Variants in TSPAN9 observed in about 807,000 individuals in gnomAD.
The protein encoded by TSPAN9 is tetraspanin-9.
A neutral mutation model predicts 31.0 loss-of-function variants in TSPAN9; 16 were observed. The ratio of observed to expected loss-of-function variants is 0.52; its 90% CI spans 0.35 to 0.78. The LOEUF is 0.78. TSPAN9 is among the 30% of genes least tolerant of loss of function. TSPAN9 has a pLI of 0.01. For synonymous variants in TSPAN9, 145 were observed against 121.6 expected (o/e 1.19, Z -1.27); for missense variants, 272 against 312.5 (o/e 0.87, Z 0.98).
At chr12:3,203,866 G>C (rs1817770967) in intron 3 of TSPAN9, among the ~76,000 whole-genome samples, 1 of 152,210 alleles carries the variant, frequency 6.6e-6, no homozygotes, top group South Asian at 2.1e-4. Flanking sequence ...TGTGGGGGCT[G>C]TGGGTCACTG....
At chr12:3,267,605 A>G (rs1358988286) in intron 3 of TSPAN9, among the ~76,000 whole-genome samples, 1 of 152,190 alleles carries the variant, frequency 6.6e-6, no homozygotes, top group Non-Finnish European at 1.5e-5. Context: ...GTGTGCTTTG[A>G]TGCTGTCAGA....
Position 3,187,735 on chromosome 12 carries a change from CCTCT to C in TSPAN9, c.-17-13436_-17-13433del, listed in dbSNP as rs1358621400. On this transcript the variant is annotated intron_variant, in intron 2 of 8. Transcript: ENST00000011898. This position sits in a 1 kb window ranked among gnomAD's most constrained non-coding sequence, Gnocchi z 5.2. The stretch of plus-strand genomic sequence containing the variant: ...GGCTTGCGGTATTCAGGCACGCAGG[CCTCT>C]CTCTCCTCTGTCCTCATTCTGTTTG... 1.3e-5 allele frequency among the ~76,000 whole-genome samples: 2 copies of C among 152,018 alleles called. No individual in the cohort carries two copies. Among genetic ancestry groups the C allele is most frequent in the Non-Finnish European group, 2.9e-5 (2 of 68,014 alleles).
chr12:3,253,199 C>A (rs189248597), intron 3 of TSPAN9, among the ~76,000 whole-genome samples: 17 of 152,152 alleles, frequency 1.1e-4, no homozygotes, highest in African/African-American at 3.9e-4. Context: ...CCAGCCCAAG[C>A]CTGCCCTAAG....
intron 2 of TSPAN9, among the ~76,000 whole-genome samples, chr12:3,103,291 C>T (rs190201129): frequency 8.6e-4 from 131 of 152,286 alleles, no homozygotes; most frequent in African/African-American, 2.9e-3. Flanking sequence ...CAGCCTCGTC[C>T]GCGGTAGCTG....
chr12:3,224,501 G>A (rs1235750873), intron 3 of TSPAN9, among the ~76,000 whole-genome samples: 4 of 152,252 alleles, frequency 2.6e-5, no homozygotes, highest in Admixed American at 2.6e-4. Flanking sequence ...CAGTGAGCTG[G>A]GGGCAGAGGC....
chr12:3,089,153 A>ACC (rs2098302504), intron 2 of TSPAN9, among the ~76,000 whole-genome samples: 1 of 150,132 alleles, frequency 6.7e-6, no homozygotes, highest in African/African-American at 2.5e-5. Context: ...AATGGCATGA[A>ACC]CCTGGGAGGT....
At chr12:3,140,174 T>C (rs193016191) in intron 2 of TSPAN9, among the ~76,000 whole-genome samples, 1 of 152,110 alleles carries the variant, frequency 6.6e-6, no homozygotes, top group East Asian at 1.9e-4. Context: ...AGGAATTAAG[T>C]CCTGGAGTGG....
At chr12:3,251,606 A>C (rs1163855078) in intron 3 of TSPAN9, among the ~76,000 whole-genome samples, 1 of 152,170 alleles carries the variant, frequency 6.6e-6, no homozygotes, top group African/African-American at 2.4e-5. Context: ...GCTTCTGGTG[A>C]ATTTCTAGGG....
chr12:3,094,816 T>G (rs2098306993), intron 2 of TSPAN9, among the ~76,000 whole-genome samples: 3 of 150,118 alleles, frequency 2.0e-5, no homozygotes, highest in Admixed American at 1.3e-4. Flanking sequence ...ATTACAGGCG[T>G]GAGCCAACAC....
chr12:3,086,723 A>G (rs2098300696), intron 2 of TSPAN9, among the ~76,000 whole-genome samples: 2 of 152,200 alleles, frequency 1.3e-5, no homozygotes, highest in African/African-American at 2.4e-5. Context: ...GTAGCTTAGG[A>G]TTGCTGCTAA....
At chr12:3,213,998 T>C (rs1247242990) in intron 3 of TSPAN9, among the ~76,000 whole-genome samples, 1 of 152,136 alleles carries the variant, frequency 6.6e-6, no homozygotes, top group East Asian at 1.9e-4. Context: ...GGGATCAAAG[T>C]GGCAGAGTGG....
chr12:3,182,879 C>T (rs928899848), intron 2 of TSPAN9, among the ~76,000 whole-genome samples: 1 of 152,156 alleles, frequency 6.6e-6, no homozygotes, highest in African/African-American at 2.4e-5. Context: ...CCTGAGGCTG[C>T]AACAGCCAGT....
At chr12:3,218,130 C>T (rs564900466) in intron 3 of TSPAN9, among the ~76,000 whole-genome samples, 15 of 152,188 alleles carry the variant, frequency 9.9e-5, no homozygotes, top group African/African-American at 2.4e-4. Flanking sequence ...TGCATGCCTG[C>T]GTCCTGTGCT....
chr12:3,136,003 C>T lies in TSPAN9; in HGVS notation c.-18+52284C>T, dbSNP rs549517470. On this transcript the variant is annotated intron_variant, in intron 2 of 8. Coordinates refer to ENST00000011898, the MANE Select transcript of TSPAN9 (RefSeq NM_006675.5). ...TCCAGAAGCCGAGACCCAGTGTCCC[C>T]GAGGAAAGTCCTGTTGCTCCCCGAG... Among the ~76,000 whole-genome samples, 9 of 152,242 alleles carry T rather than the reference C, an allele frequency of 5.9e-5. No individual in the cohort carries two copies. In the South Asian group the frequency reaches 1.2e-3, roughly 21 times the overall value.
At chr12:3,106,332 TAG>T (rs373925979) in intron 2 of TSPAN9, among the ~76,000 whole-genome samples, 1 of 152,166 alleles carries the variant, frequency 6.6e-6, no homozygotes, top group Non-Finnish European at 1.5e-5. Context: ...TCTTGTATAA[TAG>T]AGAGAGCTTG....
At position 3,281,181 on chromosome 12, in the gene TSPAN9, C is replaced by T; in HGVS notation, c.433-17C>T. On this transcript the variant is annotated splice_polypyrimidine_tract_variant and intron_variant, in intron 6 of 8. Coordinates refer to ENST00000011898, the MANE Select transcript of TSPAN9 (RefSeq NM_006675.5). ...GCCATGGCATGTCTGACTGCCCCTTCCATTCCTGCTGGCCAGATGCGATGC... is the reference window on the plus strand; with the variant it reads ...GCCATGGCATGTCTGACTGCCCCTTTCATTCCTGCTGGCCAGATGCGATGC... 6.4e-7 allele frequency: 1 copy of T among 1,550,758 alleles called. No individual in the cohort carries two copies. The highest frequency in any genetic ancestry group is 8.7e-7 in the Non-Finnish European group (1 of 1,146,810).
intron 2 of TSPAN9, among the ~76,000 whole-genome samples, chr12:3,112,786 G>C (rs1591633413): frequency 6.8e-6 from 1 of 146,432 alleles, no homozygotes; most frequent in South Asian, 2.2e-4. Flanking sequence ...GGGCTCAAGT[G>C]ATCCTCCCAT....
intron 2 of TSPAN9, among the ~76,000 whole-genome samples, chr12:3,088,234 G>A (rs1316093569): frequency 1.3e-5 from 2 of 152,380 alleles, no homozygotes; most frequent in South Asian, 2.1e-4. Context: ...AACTGGACAT[G>A]CAGATTGCAA....
intron 3 of TSPAN9, among the ~76,000 whole-genome samples, chr12:3,247,920 G>A (rs187177194): frequency 6.6e-6 from 1 of 152,354 alleles, no homozygotes; most frequent in African/African-American, 2.4e-5. Context: ...TGCTAGAACA[G>A]GGCAGCATGT....
Sources: allele counts gnomAD v4.1 joint callset (sites outside exome capture counted in the v4.1 genomes callset), GRCh38; gene constraint gnomAD v4.1.1; non-coding constraint Gnocchi (gnomAD v3.1); transcripts MANE v1.5; gene names NCBI Gene and HGNC (gene_info 2026-07-23, HGNC 2026-07-21).